PDE4D: variants seen among roughly 807,000 people sequenced by gnomAD.
PDE4D encodes the protein phosphodiesterase 4D.
PDE4D carries 24 observed loss-of-function variants against 87.4 expected under a neutral mutation model. That is an observed-to-expected ratio of 0.27 (90% CI 0.20 to 0.39). The LOEUF is 0.39. Ranked by LOEUF, PDE4D falls within the 10% of genes least tolerant of loss-of-function variation. The probability of loss-of-function intolerance (pLI) is 1.00; values close to 1 mark genes in which losing one functional copy is unlikely to be tolerated. For synonymous variants in PDE4D, 384 were observed against 383.2 expected, an observed-to-expected ratio of 1.00 and a Z score of -0.02; for missense variants, 714 against 1,041.0, an observed-to-expected ratio of 0.69 and a Z score of 4.32.
At chr5:60,100,274 T>A (rs1177185959) in intron 2 of PDE4D, among the ~76,000 whole-genome samples, 1 of 152,026 alleles carries the variant, frequency 6.6e-6, no homozygotes, top group African/African-American at 2.4e-5. Context: ...AACATGACAC[T>A]AATAAATATA....
At chr5:59,316,517 C>T (rs945201874) in intron 1 of PDE4D, among the ~76,000 whole-genome samples, 4 of 152,076 alleles carry the variant, frequency 2.6e-5, no homozygotes, top group African/African-American at 9.7e-5. Flanking sequence ...GAAAACATCA[C>T]AAAGCTCAGA....
intron 1 of PDE4D, among the ~76,000 whole-genome samples, chr5:59,301,312 C>T (rs1581841072): frequency 1.3e-5 from 2 of 152,242 alleles, no homozygotes; most frequent in African/African-American, 4.8e-5. Context: ...GAGTTATGAG[C>T]TAGACCTCAG....
At chr5:59,364,091 G>A (rs1409522682) in intron 1 of PDE4D, among the ~76,000 whole-genome samples, 1 of 152,128 alleles carries the variant, frequency 6.6e-6, no homozygotes, top group East Asian at 1.9e-4. Flanking sequence ...GCTTATTGTT[G>A]TTATTTGTTT....
intron 1 of PDE4D, among the ~76,000 whole-genome samples, chr5:60,278,869 A>C (rs1751618655): frequency 6.6e-6 from 1 of 152,198 alleles, no homozygotes; most frequent in Non-Finnish European, 1.5e-5. Context: ...ACTGTTGTCA[A>C]ATAACTCTAA....
At chr5:60,152,066 T>C (rs534336850) in intron 2 of PDE4D, among the ~76,000 whole-genome samples, 1 of 152,364 alleles carries the variant, frequency 6.6e-6, no homozygotes, top group East Asian at 1.9e-4. Context: ...TTGAGCATGC[T>C]GAACCATCTT....
chr5:59,144,896 G>GTC (rs1554080199), intron 5 of PDE4D, among the ~76,000 whole-genome samples: 1 of 132,650 alleles, frequency 7.5e-6, no homozygotes, highest in Non-Finnish European at 1.6e-5. Flanking sequence ...TTAATGGGGG[G>GTC]GGGGGGGGGA....
chr5:58,990,684 A>G (rs1295290869), intron 9 of PDE4D, 120 bp downstream of exon 9: 1 of 597,450 alleles, frequency 1.7e-6, no homozygotes, highest in East Asian at 2.8e-5. Flanking sequence ...AAATAAGGAT[A>G]AAAGTATAAA....
chr5:59,229,262 G>A (rs866588986), intron 1 of PDE4D, among the ~76,000 whole-genome samples: 1 of 152,088 alleles, frequency 6.6e-6, no homozygotes, highest in African/African-American at 2.4e-5. Flanking sequence ...ATCTTTAGAC[G>A]CAGCGGTACT....
At chr5:60,230,984 A>T (rs1246789239) in intron 1 of PDE4D, among the ~76,000 whole-genome samples, 3 of 152,080 alleles carry the variant, frequency 2.0e-5, no homozygotes, top group Non-Finnish European at 2.9e-5. Context: ...CACATGGAGA[A>T]TGCAGTGATG....
At chr5:59,297,352 TCTA>T (rs1769292886) in intron 1 of PDE4D, among the ~76,000 whole-genome samples, 1 of 152,186 alleles carries the variant, frequency 6.6e-6, no homozygotes, top group African/African-American at 2.4e-5. Context: ...AATGATTAAA[TCTA>T]CTATCTATTT....
At chr5:60,100,502 A>G (rs182051875) in intron 2 of PDE4D, among the ~76,000 whole-genome samples, 15 of 152,090 alleles carry the variant, frequency 9.9e-5, no homozygotes, top group African/African-American at 2.6e-4. Flanking sequence ...TGGATCTAGA[A>G]TATTTGCACT....
chr5:60,326,243 A>G (rs1236895695), intron 1 of PDE4D, among the ~76,000 whole-genome samples: 1 of 152,122 alleles, frequency 6.6e-6, no homozygotes, highest in East Asian at 1.9e-4. Context: ...AGAAACTGCC[A>G]AACTCTTTTC....
At position 59,814,218 on chromosome 5, in the gene PDE4D, T is replaced by C. The variant is rs192351825; in HGVS notation, c.455+78950A>G. 7.9e-5 allele frequency among the ~76,000 whole-genome samples: 12 copies of C among 152,326 alleles called. No homozygotes were observed. The East Asian group carries it at 1.9e-3, about 25-fold the overall frequency. ...GACAGTTTTTATAAATAAAGCTTTATTGGGACACAACCATTCCCATTTGTT... is the reference window on the plus strand; with the variant it reads ...GACAGTTTTTATAAATAAAGCTTTACTGGGACACAACCATTCCCATTTGTT... On this transcript the variant is annotated intron_variant, in intron 1 of 14. Coordinates refer to ENST00000340635, the MANE Select transcript of PDE4D (RefSeq NM_001104631.2).
At chr5:60,073,965 C>T (rs1013388354) in intron 2 of PDE4D, among the ~76,000 whole-genome samples, 1 of 151,818 alleles carries the variant, frequency 6.6e-6, no homozygotes, top group Non-Finnish European at 1.5e-5. Flanking sequence ...ATTAATTTTT[C>T]AAAAACACAG....
chr5:59,535,024 C>T (rs1814898898), intron 1 of PDE4D, among the ~76,000 whole-genome samples: 1 of 146,130 alleles, frequency 6.8e-6, no homozygotes, highest in Non-Finnish European at 1.5e-5. Context: ...TCCATGCAAA[C>T]TATTGAGGAC....
chr5:59,606,470 C>T (rs1244761638), intron 1 of PDE4D, among the ~76,000 whole-genome samples: 2 of 151,888 alleles, frequency 1.3e-5, no homozygotes, highest in African/African-American at 4.8e-5. Flanking sequence ...CTAATATTCC[C>T]CAGTTTATAG....
chr5:59,889,570 A>G (rs540666661), intron 1 of PDE4D, among the ~76,000 whole-genome samples: 36 of 152,346 alleles, frequency 2.4e-4, no homozygotes, highest in African/African-American at 8.2e-4. Flanking sequence ...TTGTATCACT[A>G]TAATCCAGAA....
chr5:59,567,158 T>C (rs1821081269), intron 1 of PDE4D, among the ~76,000 whole-genome samples: 1 of 152,220 alleles, frequency 6.6e-6, no homozygotes, highest in Admixed American at 6.5e-5. Context: ...GAAAATCTAT[T>C]CTTCAGTGTG....
intron 1 of PDE4D, among the ~76,000 whole-genome samples, chr5:59,422,777 A>G (rs1480175473): frequency 2.0e-5 from 3 of 152,200 alleles, no homozygotes; most frequent in African/African-American, 7.2e-5. Context: ...GAGAGGCTGC[A>G]TGGTTGGGTG....
Sources: gnomAD v4.1 joint callset for allele counts (sites outside exome capture counted in the v4.1 genomes callset) on GRCh38, gnomAD v4.1.1 for gene constraint, MANE v1.5 for transcripts, NCBI Gene and HGNC (gene_info 2026-07-23, HGNC 2026-07-21) for gene names.